The following NCAPH2 variants were observed in gnomAD, a reference collection of about 807,000 sequenced individuals.
The protein encoded by NCAPH2 is non-SMC condensin II complex subunit H2, also known as condensin-2 complex subunit H2.
NCAPH2 carries 56 observed loss-of-function variants against 88.6 expected under a neutral mutation model. The ratio of observed to expected loss-of-function variants is 0.63; its 90% CI spans 0.51 to 0.79. The LOEUF (loss-of-function observed/expected upper bound fraction) is 0.79. Ranked by LOEUF, NCAPH2 falls within the 30% of genes least tolerant of loss-of-function variation. The pLI is 0.00. For synonymous variants in NCAPH2, 378 were observed against 313.6 expected (o/e 1.21, Z -2.17); for missense variants, 794 against 792.0 (o/e 1.00, Z -0.03).
chr22:50,516,630 G>A, intron 2 of NCAPH2, 82 bp downstream of exon 2: 1 of 1,299,576 alleles, frequency 7.7e-7, no homozygotes, highest in Non-Finnish European at 1.1e-6. Flanking sequence ...CAGGTGCAGT[G>A]GTCGTCCCGT....
chr22:50,516,509 G>T lies in NCAPH2; in HGVS notation c.171G>T (p.Ala57=), dbSNP rs1013099927. The T allele has an allele frequency of 2.5e-6, 4 of 1,614,198 alleles. No homozygotes were observed. Among genetic ancestry groups the T allele is most frequent in the Non-Finnish European group, 3.4e-6 (4 of 1,180,034 alleles). ...CCACAATGAACTTCATTGAGGCAGC[G>T]TTGTTGATCCAGGGCTCTGCCTGCG... is the stretch of plus-strand genomic sequence containing the variant. ...GKTTMNFIEA[A]LLIQGSACVY... The change falls in exon 2 of 20, where the codon GCG becomes GCT. Residue 57 remains alanine (A), a synonymous_variant. Transcript: ENST00000420993.
In NCAPH2 at chr22:50,524,236, G is replaced by A; in HGVS notation, c.*861G>A. The A allele has an allele frequency of 6.2e-7, 1 of 1,607,026 alleles. No homozygotes were observed. The highest frequency in any genetic ancestry group is 8.5e-7 in the Non-Finnish European group (1 of 1,179,874). ...GAACAGGCCTGTGATCAGCAGCCGG[G>A]TTCGAAGCCCAGGGCCCTGGGGCTG... On this transcript the variant is annotated 3_prime_UTR_variant, in exon 20 of 20. Coordinates refer to ENST00000420993, the MANE Select transcript of NCAPH2 (RefSeq NM_152299.4).
chr22:50,524,434 A>G lies in NCAPH2; in HGVS notation c.*1059A>G. 1 of 1,609,614 alleles carries G rather than the reference A, an allele frequency of 6.2e-7. No individual in the cohort carries two copies. Among genetic ancestry groups the G allele is most frequent in the African/African-American group, 1.3e-5 (1 of 74,988 alleles). On this transcript the variant is annotated 3_prime_UTR_variant, in exon 20 of 20. Transcript: ENST00000420993. ...CATGGATCTGATGCTCCTGGAAACA[A>G]GCACAGGCGTCAGGAGCCAGAAGGG...
intron 1 of NCAPH2, among the ~76,000 whole-genome samples, chr22:50,513,565 T>C (rs1265537497): frequency 2.6e-5 from 4 of 152,140 alleles, no homozygotes; most frequent in African/African-American, 9.7e-5. Flanking sequence ...TCGAGATGAG[T>C]CTGACCAGCA....
chr22:50,518,838 C>G lies in NCAPH2; in HGVS notation c.730+106C>G, dbSNP rs894016808. 8.9e-6 allele frequency: 10 copies of G among 1,122,460 alleles called. No homozygotes were observed. In the Admixed American group the frequency reaches 9.7e-5, roughly 11 times the overall value. 69.5% of individuals were successfully genotyped at this position (1,122,460 alleles called of 1,614,324 possible). A position where few individuals can be genotyped will look rare whatever the true frequency, so the allele number is the denominator to read the frequency against. ...CAAGGGGCTGCTCTCAGCTGCCAGC[C>G]TCATGCCCCTTCTGTGGCCCATGGG... On this transcript the variant is annotated intron_variant, in intron 8 of 19. Transcript: ENST00000420993.
At chr22:50,519,774 C>T (rs778813292) in intron 9 of NCAPH2, 44 of 986,494 alleles carry the variant, frequency 4.5e-5, no homozygotes, top group Non-Finnish European at 4.6e-5. Context: ...GAAATGTTAA[C>T]GTTTCTTCAC....
chr22:50,515,906 T>C, intron 1 of NCAPH2: 3 of 764,704 alleles, frequency 3.9e-6, no homozygotes, highest in Non-Finnish European at 5.5e-6. Context: ...GGTTGGCAGC[T>C]TGGGCATGGG....
rs185004528 is a variant in NCAPH2, at chr22:50,523,193, G to A, written c.1677+27G>A. Reference sequence around the variant, plus strand: ...TGAGTAGCCTGGGATACGTGGGAGGGGGAGACGGTCCCCAGACCCTGCTGA... The same window carrying A: ...TGAGTAGCCTGGGATACGTGGGAGGAGGAGACGGTCCCCAGACCCTGCTGA... On this transcript the variant is annotated intron_variant, in intron 19 of 19. Coordinates refer to ENST00000420993, the MANE Select transcript of NCAPH2 (RefSeq NM_152299.4). 1.4e-3 allele frequency: 2,246 copies of A among 1,613,746 alleles called. 7 individuals carry two copies. The highest frequency in any genetic ancestry group is 1.8e-3 in the Non-Finnish European group (2,074 of 1,179,956).
intron 8 of NCAPH2, 152 bp from the exon 9 acceptor site, chr22:50,519,038 C>G (rs1464759108): frequency 5.6e-6 from 4 of 719,952 alleles, no homozygotes; most frequent in Non-Finnish European, 9.0e-6. Context: ...GAGCACAGAG[C>G]ACAGGAGCAC....
chr22:50,518,163 G>A lies in NCAPH2; in HGVS notation c.531G>A (p.Lys177=), dbSNP rs776485524. 3.7e-6 allele frequency: 6 copies of A among 1,614,126 alleles called. No homozygotes were observed. In the Admixed American group the frequency reaches 6.7e-5, roughly 18 times the overall value. ...AGGGTGAGGTCCTGGCCAGCCGGAA[G>A]GATTTCAGGATGAACACGTGCGTTC... is the stretch of plus-strand genomic sequence containing the variant. ...SRQGEVLASR[K]DFRMNTCVPH... is the part of the protein sequence containing the mutation. Residue 177 remains lysine (K), a synonymous_variant, in exon 7 of 20, where the codon AAG becomes AAA. Coordinates refer to ENST00000420993, the MANE Select transcript of NCAPH2 (RefSeq NM_152299.4).
At chr22:50,519,742 A>G (rs539231823) in intron 9 of NCAPH2, 2 of 1,020,068 alleles carry the variant, frequency 2.0e-6, no homozygotes, top group African/African-American at 3.4e-5. Flanking sequence ...ATTAAAACAA[A>G]ATCAACCTGA....
chr22:50,520,105 C>A (rs930071735), intron 9 of NCAPH2, among the ~76,000 whole-genome samples: 3 of 152,116 alleles, frequency 2.0e-5, no homozygotes, highest in African/African-American at 7.2e-5. Context: ...CTCCTGACTT[C>A]GTGATCTGCC....
intron 9 of NCAPH2, chr22:50,519,673 C>T: frequency 2.7e-6 from 3 of 1,127,818 alleles, no homozygotes; most frequent in Non-Finnish European, 3.3e-6. Flanking sequence ...TGCTGCCTCC[C>T]TCAACCCCCG....
intron 1 of NCAPH2, among the ~76,000 whole-genome samples, chr22:50,516,160 C>T (rs1405700701): frequency 1.3e-5 from 2 of 152,198 alleles, no homozygotes; most frequent in African/African-American, 2.4e-5. Flanking sequence ...CTGTCAGCCT[C>T]TGGCGCCTTG....
intron 11 of NCAPH2, 27 bp downstream of exon 11, chr22:50,521,636 C>T (rs2069100012): frequency 6.2e-7 from 1 of 1,611,944 alleles, no homozygotes; most frequent in Non-Finnish European, 8.5e-7. Context: ...TACCTCCACT[C>T]AGGTACCCCT....
chr22:50,515,657 A>G lies in NCAPH2; in HGVS notation c.109-790A>G, dbSNP rs548062561. The G allele has an allele frequency of 1.8e-5, 22 of 1,216,370 alleles. No homozygotes were observed. The South Asian group carries it at 2.2e-4, about 12-fold the overall frequency. The allele number at this position is 1,216,370 out of a possible 1,614,324, so 75.3% of individuals were successfully genotyped here. A position where few individuals can be genotyped will look rare whatever the true frequency, so the allele number is the denominator to read the frequency against. ...ATGATCTGCCCGCCTCGGCCTCCCA[A>G]AGTGCTGGGATTACAGGTGTGAGCC... On this transcript the variant is annotated intron_variant, in intron 1 of 19. Transcript: ENST00000420993.
At position 50,524,258 on chromosome 22, in the gene NCAPH2, G is replaced by C. The variant is rs768180608; in HGVS notation, c.*883G>C. 6 of 1,604,894 alleles carry C rather than the reference G, an allele frequency of 3.7e-6. No individual in the cohort carries two copies. The highest frequency in any genetic ancestry group is 1.3e-5 in the African/African-American group (1 of 75,026). Reference sequence around the variant, plus strand: ...CGGGTTCGAAGCCCAGGGCCCTGGGGCTGGCCCTGCCCACCTGTCTCTGCA... The same window carrying C: ...CGGGTTCGAAGCCCAGGGCCCTGGGCCTGGCCCTGCCCACCTGTCTCTGCA... On this transcript the variant is annotated 3_prime_UTR_variant, in exon 20 of 20. Coordinates refer to ENST00000420993, the MANE Select transcript of NCAPH2 (RefSeq NM_152299.4).
In NCAPH2 at chr22:50,518,145, G is replaced by C. The variant is rs1305245089; in HGVS notation, c.513G>C (p.Glu171Asp). 3 of 1,613,946 alleles carry C rather than the reference G, an allele frequency of 1.9e-6. No homozygotes were observed. Among genetic ancestry groups the C allele is most frequent in the Non-Finnish European group, 2.5e-6 (3 of 1,180,000 alleles). Residue 171 changes from glutamate to aspartate, a missense_variant, in exon 7 of 20, where the codon GAG (glutamate) becomes GAC (aspartate). Physicochemically the swap from Glu to Asp is conservative, Grantham distance 45. Around this residue, in one of 2 missense-constraint regions of NCAPH2, gnomAD observed 735 missense variants for 696.3 expected, o/e 1.06. Transcript: ENST00000420993. Reference protein sequence around the residue: ...NNNPLYSRQGEVLASRKDFRM... With the variant: ...NNNPLYSRQGDVLASRKDFRM... Reference sequence around the variant, plus strand: ...TTTGCCAGCACAGCCGTCAGGGTGAGGTCCTGGCCAGCCGGAAGGATTTCA... The same window carrying C: ...TTTGCCAGCACAGCCGTCAGGGTGACGTCCTGGCCAGCCGGAAGGATTTCA...
chr22:50,517,148 A>G lies in NCAPH2; in HGVS notation c.211-279A>G, dbSNP rs1337653203. On this transcript the variant is annotated intron_variant, in intron 2 of 19. Transcript: ENST00000420993. ...TGTGATGAGGCACACTGTGGGAACC[A>G]CAGTGCTGTCAGGGTCACACGTTGA... 2.0e-5 allele frequency among the ~76,000 whole-genome samples: 3 copies of G among 152,252 alleles called. No individual in the cohort carries two copies. The East Asian group carries it at 5.8e-4, about 29-fold the overall frequency.
Sources: gnomAD v4.1 joint callset for allele counts (sites outside exome capture counted in the v4.1 genomes callset) on GRCh38, gnomAD v4.1.1 for gene constraint, gnomAD v4.1.1 regional missense constraint, MANE v1.5 for transcripts, NCBI Gene and HGNC (gene_info 2026-07-23, HGNC 2026-07-21) for gene names.